CSMD1: variants seen among roughly 807,000 people sequenced by gnomAD.
CSMD1 encodes the protein CUB and sushi domain-containing protein 1.
Under a neutral mutation model 417.5 loss-of-function variants are expected in CSMD1, and 213 were observed. The observed-to-expected ratio is 0.51, with a 90% CI of 0.46 to 0.57. CSMD1 has a LOEUF of 0.57. Among genes scored for constraint, CSMD1 ranks in the 20% least tolerant of loss-of-function variants. The pLI, the probability that CSMD1 is intolerant of heterozygous loss-of-function variation, is 0.00. For synonymous variants in CSMD1, 2,862 were observed against 1,736.8 expected, an observed-to-expected ratio of 1.65 and a Z score of -16.11; for missense variants, 6,923 against 4,529.7, an observed-to-expected ratio of 1.53 and a Z score of -15.17.
chr8:4,059,948 C>T (rs1339356811), intron 3 of CSMD1, among the ~76,000 whole-genome samples: 1 of 152,008 alleles, frequency 6.6e-6, no homozygotes, highest in Non-Finnish European at 1.5e-5. Flanking sequence ...TTTCATGAGG[C>T]CAGCATCATC....
chr8:3,331,793 T>C (rs906888775), intron 23 of CSMD1, among the ~76,000 whole-genome samples: 7 of 152,226 alleles, frequency 4.6e-5, no homozygotes, highest in African/African-American at 1.7e-4. Context: ...GTGTGAATGA[T>C]ATATTGAATA....
At chr8:3,418,564 G>C (rs1190492042) in intron 12 of CSMD1, among the ~76,000 whole-genome samples, 1 of 152,134 alleles carries the variant, frequency 6.6e-6, no homozygotes, top group African/African-American at 2.4e-5. Flanking sequence ...GTATATAAAA[G>C]CATTGATTTT....
intron 26 of CSMD1, chr8:3,278,695 G>C (rs1053842331): frequency 4.0e-5 from 6 of 151,870 alleles, no homozygotes; most frequent in African/African-American, 1.5e-4. Flanking sequence ...AAAAAAATGA[G>C]AGATTTCCAT....
At chr8:3,503,194 C>A (rs1364661026) in intron 10 of CSMD1, among the ~76,000 whole-genome samples, 1 of 152,042 alleles carries the variant, frequency 6.6e-6, no homozygotes, top group Non-Finnish European at 1.5e-5. Context: ...ACACACACAC[C>A]CACACACAAA....
chr8:3,478,238 G>T (rs2117229872), intron 11 of CSMD1, among the ~76,000 whole-genome samples: 1 of 152,278 alleles, frequency 6.6e-6, no homozygotes, highest in East Asian at 1.9e-4. Context: ...AACATTATCT[G>T]AATTATAAAT....
chr8:3,544,680 A>G (rs976462628), intron 10 of CSMD1, among the ~76,000 whole-genome samples: 1 of 152,100 alleles, frequency 6.6e-6, no homozygotes, highest in Non-Finnish European at 1.5e-5. Flanking sequence ...GCCTGGAGCT[A>G]TTCAGTGGGC....
chr8:3,909,697 G>A (rs1351810995), intron 5 of CSMD1, among the ~76,000 whole-genome samples: 2 of 152,072 alleles, frequency 1.3e-5, no homozygotes, highest in African/African-American at 4.8e-5. Context: ...TTCCTCCTTC[G>A]AAATTCTTGC....
chr8:3,859,266 G>A (rs1563151884), intron 5 of CSMD1, among the ~76,000 whole-genome samples: 2 of 152,212 alleles, frequency 1.3e-5, no homozygotes, highest in South Asian at 2.1e-4. Context: ...ACTCACTGGT[G>A]AGTCTTTCTA....
intron 3 of CSMD1, among the ~76,000 whole-genome samples, chr8:4,042,408 G>C (rs968504856): frequency 6.6e-6 from 1 of 151,974 alleles, no homozygotes; most frequent in Non-Finnish European, 1.5e-5. Flanking sequence ...CTGAAATAAC[G>C]AATAAGCAAA....
At chr8:2,992,840 G>T (rs1806518540) in intron 54 of CSMD1, among the ~76,000 whole-genome samples, 1 of 152,050 alleles carries the variant, frequency 6.6e-6, no homozygotes, top group African/African-American at 2.4e-5. Flanking sequence ...CAGGCTCAAG[G>T]GATCCTCCCT....
intron 5 of CSMD1, among the ~76,000 whole-genome samples, chr8:3,783,132 AAGG>A (rs555090102): frequency 1.3e-4 from 20 of 152,162 alleles, no homozygotes; most frequent in Non-Finnish European, 2.6e-4. Flanking sequence ...ATTTATCCAG[AAGG>A]AGATTATTTT....
At chr8:3,579,631 T>A (rs2116964980) in intron 9 of CSMD1, among the ~76,000 whole-genome samples, 1 of 152,338 alleles carries the variant, frequency 6.6e-6, no homozygotes, top group Non-Finnish European at 1.5e-5. Flanking sequence ...GGCTAAGAAC[T>A]TCCTTTCCTT....
chr8:4,754,342 G>C (rs547400637), intron 1 of CSMD1, among the ~76,000 whole-genome samples: 1 of 152,228 alleles, frequency 6.6e-6, no homozygotes, highest in East Asian at 1.9e-4. Context: ...TTGAAACCTT[G>C]TGTTCTGGCT....
chr8:3,772,192 ACAC>A (rs1798612011), intron 5 of CSMD1, among the ~76,000 whole-genome samples: 2 of 7,242 alleles, frequency 2.8e-4, no homozygotes, highest in African/African-American at 5.9e-4. Context: ...ATATATATAC[ACAC>A]ACACACACAC....
chr8:3,112,307 C>G (rs567779177), intron 42 of CSMD1, among the ~76,000 whole-genome samples: 1 of 152,170 alleles, frequency 6.6e-6, no homozygotes, highest in African/African-American at 2.4e-5. Flanking sequence ...TGTGGACTTA[C>G]AATGCTAAGG....
intron 7 of CSMD1, among the ~76,000 whole-genome samples, chr8:3,645,764 G>C (rs1471630236): frequency 6.6e-6 from 1 of 152,184 alleles, no homozygotes; most frequent in Admixed American, 6.5e-5. Flanking sequence ...GTTATTATAA[G>C]AAAAGGTGAG....
At chr8:4,041,109 CG>C (rs1259539931) in intron 3 of CSMD1, among the ~76,000 whole-genome samples, 8 of 149,954 alleles carry the variant, frequency 5.3e-5, no homozygotes, top group African/African-American at 2.0e-4. Context: ...CTCCGCCTCC[CG>C]GGTTCCCGCC....
intron 26 of CSMD1, among the ~76,000 whole-genome samples, chr8:3,267,313 G>T (rs1172870555): frequency 6.6e-6 from 1 of 152,166 alleles, no homozygotes; most frequent in Non-Finnish European, 1.5e-5. Flanking sequence ...TATCCCACTG[G>T]GTCATATCCC....
intron 10 of CSMD1, among the ~76,000 whole-genome samples, chr8:3,534,087 A>G (rs2117524649): frequency 6.6e-6 from 1 of 152,306 alleles, no homozygotes; most frequent in Middle Eastern, 3.4e-3. Context: ...TGATTGTTTT[A>G]GTATCTGAGG....
Sources: gnomAD v4.1 joint callset for allele counts (sites outside exome capture counted in the v4.1 genomes callset) on GRCh38, gnomAD v4.1.1 for gene constraint, MANE v1.5 for transcripts, NCBI Gene and HGNC (gene_info 2026-07-23, HGNC 2026-07-21) for gene names.